Variants in IQGAP2 observed in about 807,000 individuals in gnomAD.
IQGAP2 encodes IQ motif containing GTPase activating protein 2.
IQGAP2 carries 173 observed loss-of-function variants against 201.3 expected under a neutral mutation model. The observed-to-expected ratio is 0.86, with a 90% CI of 0.76 to 0.98. IQGAP2 has a LOEUF of 0.98. Ranked by LOEUF, IQGAP2 falls within the 50% of genes least tolerant of loss-of-function variation. The probability of loss-of-function intolerance (pLI) is 0.00; values close to 1 mark genes in which losing one functional copy is unlikely to be tolerated. For synonymous variants in IQGAP2, 675 were observed against 673.9 expected, an observed-to-expected ratio of 1.00 and a Z score of -0.03; for missense variants, 1,687 against 1,864.8, an observed-to-expected ratio of 0.90 and a Z score of 1.76.
At chr5:76,580,038 G>A (rs1163105611) in intron 5 of IQGAP2, among the ~76,000 whole-genome samples, 1 of 152,186 alleles carries the variant, frequency 6.6e-6, no homozygotes, top group Admixed American at 6.5e-5. Context: ...CACTTTGGGA[G>A]GCTGAGGCAG....
intron 13 of IQGAP2, 104 bp from the exon 14 acceptor site, chr5:76,627,306 G>A: frequency 1.2e-6 from 1 of 825,348 alleles, no homozygotes; most frequent in East Asian, 2.5e-5. Flanking sequence ...TGCTGATTAA[G>A]AATTTGTGGG....
intron 1 of IQGAP2, among the ~76,000 whole-genome samples, chr5:76,453,795 G>T (rs1753905662): frequency 6.6e-6 from 1 of 152,200 alleles, no homozygotes; most frequent in East Asian, 1.9e-4. Flanking sequence ...AATAACTTGA[G>T]ACATTTTGCC....
chr5:76,562,602 G>A lies in IQGAP2; in HGVS notation c.303+50G>A, dbSNP rs370923827. On this transcript the variant is annotated intron_variant, in intron 3 of 35. Coordinates refer to ENST00000274364, the MANE Select transcript of IQGAP2 (RefSeq NM_006633.5). ...GCTTCCAGCTAAAAGTGAAAGTTTG[G>A]TATTTCATATCCTCTCCCTTCTTTT... 4.6e-5 allele frequency: 69 copies of A among 1,502,234 alleles called. No homozygotes were observed. The Middle Eastern group carries it at 8.6e-4, about 19-fold the overall frequency. The allele number at this position is 1,502,234 out of a possible 1,614,324, so 93.1% of individuals were successfully genotyped here. A position where few individuals can be genotyped will look rare whatever the true frequency, so the allele number is the denominator to read the frequency against.
intron 13 of IQGAP2, among the ~76,000 whole-genome samples, chr5:76,622,121 C>T (rs1038270063): frequency 6.6e-6 from 1 of 152,160 alleles, no homozygotes; most frequent in Non-Finnish European, 1.5e-5. Flanking sequence ...ATTTCTCCCC[C>T]ACCCCATGGA....
intron 28 of IQGAP2, among the ~76,000 whole-genome samples, chr5:76,682,195 A>G (rs1259278568): frequency 6.6e-6 from 1 of 152,122 alleles, no homozygotes; most frequent in Non-Finnish European, 1.5e-5. Flanking sequence ...ATTTTAAGTG[A>G]GTGGATTTGA....
At chr5:76,652,301 C>G (rs1320400026) in intron 17 of IQGAP2, among the ~76,000 whole-genome samples, 2 of 152,314 alleles carry the variant, frequency 1.3e-5, no homozygotes, top group East Asian at 3.9e-4. Context: ...GTAGAGCATC[C>G]TCCTTTCCAG....
intron 15 of IQGAP2, among the ~76,000 whole-genome samples, chr5:76,634,125 G>A (rs144145150): frequency 5.1e-4 from 77 of 152,004 alleles, no homozygotes; most frequent in African/African-American, 1.3e-3. Flanking sequence ...GCTGCCATCC[G>A]CCTTAATAAA....
At chr5:76,594,658 T>C (rs1018835872) in intron 9 of IQGAP2, among the ~76,000 whole-genome samples, 18 of 152,122 alleles carry the variant, frequency 1.2e-4, no homozygotes, top group Non-Finnish European at 7.4e-5. Flanking sequence ...AATGAGACAA[T>C]TGTACACTTT....
chr5:76,594,243 C>T (rs1347454031), intron 9 of IQGAP2, among the ~76,000 whole-genome samples: 1 of 152,164 alleles, frequency 6.6e-6, no homozygotes, highest in Non-Finnish European at 1.5e-5. Flanking sequence ...TTAATGTTGC[C>T]AGTGAGACAT....
intron 33 of IQGAP2, among the ~76,000 whole-genome samples, chr5:76,699,895 CTT>C (rs1561609313): frequency 1.5e-5 from 1 of 66,008 alleles, no homozygotes; most frequent in South Asian, 4.7e-4. Context: ...CTTCAGGCTT[CTT>C]TCTGTTTCTC....
At chr5:76,668,877 G>A (rs3764935) in intron 23 of IQGAP2, 33 bp downstream of exon 23, 415,098 of 1,368,376 alleles carry the variant, frequency 0.3, 66,134 homozygotes, top group South Asian at 0.45. Flanking sequence ...AAAAATACCA[G>A]TGAATCAATC....
At chr5:76,617,626 T>G in intron 13 of IQGAP2, 2 of 1,613,522 alleles carry the variant, frequency 1.2e-6, no homozygotes, top group South Asian at 2.2e-5. Context: ...GTTTTTGACA[T>G]GAGAAAATAA....
At chr5:76,538,461 A>C (rs1759753335) in intron 2 of IQGAP2, among the ~76,000 whole-genome samples, 1 of 152,196 alleles carries the variant, frequency 6.6e-6, no homozygotes, top group Non-Finnish European at 1.5e-5. Context: ...GAGAGTGGCC[A>C]TGAGGGACCC....
intron 1 of IQGAP2, among the ~76,000 whole-genome samples, chr5:76,424,284 T>G (rs1751881453): frequency 6.6e-6 from 1 of 152,168 alleles, no homozygotes; most frequent in Non-Finnish European, 1.5e-5. Context: ...AAACCTTTTT[T>G]TCCCTAACAG....
At chr5:76,618,091 T>C in intron 13 of IQGAP2, 1 of 1,614,178 alleles carries the variant, frequency 6.2e-7, no homozygotes, top group Non-Finnish European at 8.5e-7. Context: ...TAGGTGTGCT[T>C]GGGCAGGCCC....
At chr5:76,430,037 C>T (rs1752277387) in intron 1 of IQGAP2, among the ~76,000 whole-genome samples, 1 of 152,046 alleles carries the variant, frequency 6.6e-6, no homozygotes, top group East Asian at 1.9e-4. Context: ...CCTAGTGCAG[C>T]CCTCAGATTC....
intron 5 of IQGAP2, among the ~76,000 whole-genome samples, chr5:76,584,917 T>C (rs1746136642): frequency 6.6e-6 from 1 of 152,182 alleles, no homozygotes; most frequent in South Asian, 2.1e-4. Context: ...AATATTAAAA[T>C]ATGTGCAATT....
chr5:76,620,778 G>A (rs2069662), intron 13 of IQGAP2, among the ~76,000 whole-genome samples: 9,078 of 152,094 alleles, frequency 0.06, 356 homozygotes, highest in East Asian at 0.18. Context: ...AGGAAAAATC[G>A]GAAGATGAAA....
chr5:76,521,817 A>G (rs6884592), intron 2 of IQGAP2, among the ~76,000 whole-genome samples: 29 of 152,364 alleles, frequency 1.9e-4, no homozygotes, highest in African/African-American at 5.8e-4. Flanking sequence ...TTCTGGTTCT[A>G]TAGATCTGGG....
Sources: allele counts gnomAD v4.1 joint callset (sites outside exome capture counted in the v4.1 genomes callset), GRCh38; gene constraint gnomAD v4.1.1; transcripts MANE v1.5; gene names NCBI Gene and HGNC (gene_info 2026-07-23, HGNC 2026-07-21).